Variants in TPRG1 observed in about 807,000 individuals in gnomAD.
The protein encoded by TPRG1 is tumor protein p63 regulated 1, also known as tumor protein p63-regulated gene 1 protein.
In TPRG1, 29 loss-of-function variants were observed where a neutral mutation model predicts 29.3. The observed-to-expected ratio is 0.99, with a 90% CI of 0.74 to 1.35. The LOEUF is 1.35. Ranked by LOEUF, TPRG1 falls within the 40% of genes most tolerant of loss-of-function variation. The pLI is 0.00. For missense variants in TPRG1, 327 were observed against 335.0 expected (o/e 0.98, Z 0.19); for synonymous variants, 130 against 116.8 (o/e 1.11, Z -0.73).
chr3:189,086,999 T>C (rs1481337775), intron 4 of TPRG1, among the ~76,000 whole-genome samples: 3 of 152,218 alleles, frequency 2.0e-5, no homozygotes, highest in Non-Finnish European at 4.4e-5. Flanking sequence ...CAGCATGATT[T>C]ATAATCCTTT....
intron 4 of TPRG1, among the ~76,000 whole-genome samples, chr3:189,094,338 T>C (rs1247597076): frequency 1.3e-5 from 2 of 152,166 alleles, no homozygotes; most frequent in African/African-American, 4.8e-5. Context: ...TGTTCTCCAG[T>C]ACAATTTTTC....
upstream of TPRG1, among the ~76,000 whole-genome samples, chr3:189,170,704 G>A (rs539237280): frequency 4.2e-4 from 64 of 152,228 alleles, no homozygotes; most frequent in Non-Finnish European, 7.8e-4. Flanking sequence ...TGACGTCCTC[G>A]ACACGGTGGA....
chr3:189,272,695 CTCTT>C lies in TPRG1; in HGVS notation c.479+33802_479+33805del, dbSNP rs1553935860. 4.8e-3 allele frequency among the ~76,000 whole-genome samples: 666 copies of C among 137,896 alleles called. 3 individuals carry two copies. The highest frequency in any genetic ancestry group is 7.0e-3 in the Non-Finnish European group (463 of 65,736). 90.5% of individuals were successfully genotyped at this position (137,896 alleles called of 152,430 possible). On this transcript the variant is annotated intron_variant, in intron 4 of 5. Transcript: ENST00000345063. ...CTTCCTTTCTTTCCTTTCTTTCTTT[CTCTT>C]TCTTTCTTTCTTTCTCCTTCCTTCC... is the stretch of plus-strand genomic sequence containing the variant.
chr3:189,230,302 G>A (rs1157408377), intron 3 of TPRG1, among the ~76,000 whole-genome samples: 1 of 152,134 alleles, frequency 6.6e-6, no homozygotes, highest in Non-Finnish European at 1.5e-5. Flanking sequence ...ATGCAGCCTG[G>A]GATGAGAGTC....
At chr3:189,125,814 TG>T (rs1722395480) in intron 1 of TPRG1, among the ~76,000 whole-genome samples, 154 of 5,430 alleles carry the variant, frequency 0.028, no homozygotes, top group Middle Eastern at 0.14. Context: ...CAGGGTGTTT[TG>T]TGTGTGTGTG....
rs537978800 is a variant in TPRG1, at chr3:189,268,283, A to G, written c.479+29374A>G. Among the ~76,000 whole-genome samples, 13 of 152,224 alleles carry G rather than the reference A, an allele frequency of 8.5e-5. No individual in the cohort carries two copies. The East Asian group carries it at 2.5e-3, about 29-fold the overall frequency. The stretch of plus-strand genomic sequence containing the variant: ...GTGCTGTCCACTCACTCTAATGCCC[A>G]GGGAGGCATGTTGACAAGGATGGGT... On this transcript the variant is annotated intron_variant, in intron 4 of 5. Coordinates refer to ENST00000345063, the MANE Select transcript of TPRG1 (RefSeq NM_198485.4).
intron 1 of TPRG1, among the ~76,000 whole-genome samples, chr3:189,101,671 T>C (rs1719220382): frequency 6.6e-6 from 1 of 152,168 alleles, no homozygotes; most frequent in African/African-American, 2.4e-5. Flanking sequence ...TTGATCATTG[T>C]GTATCTCACC....
In TPRG1 at chr3:189,193,564, A is replaced by G. The variant is rs191484820; in HGVS notation, c.-9-13812A>G. Among the ~76,000 whole-genome samples, 83 of 151,464 alleles carry G rather than the reference A, an allele frequency of 5.5e-4. No homozygotes were observed. In the East Asian group the frequency reaches 0.014, roughly 25 times the overall value. Reference sequence around the variant, plus strand: ...CATGATACAAATATTTGTTCACTTAATAGTGTCCATAAGTCTTGTAAGCTT... The same window carrying G: ...CATGATACAAATATTTGTTCACTTAGTAGTGTCCATAAGTCTTGTAAGCTT... On this transcript the variant is annotated intron_variant, in intron 1 of 5. Coordinates refer to ENST00000345063, the MANE Select transcript of TPRG1 (RefSeq NM_198485.4).
intron 5 of TPRG1, among the ~76,000 whole-genome samples, chr3:189,311,676 A>T (rs1722513107): frequency 6.6e-6 from 1 of 152,172 alleles, no homozygotes; most frequent in Non-Finnish European, 1.5e-5. Flanking sequence ...AGGGATTTAT[A>T]GTGTCACGGT....
chr3:189,102,713 C>T (rs1240408155), intron 1 of TPRG1, among the ~76,000 whole-genome samples: 1 of 152,136 alleles, frequency 6.6e-6, no homozygotes, highest in East Asian at 1.9e-4. Context: ...TAAATTCTTC[C>T]ATGGTTCCCC....
At chr3:189,073,320 C>G (rs1051316285) in intron 4 of TPRG1, among the ~76,000 whole-genome samples, 1 of 152,158 alleles carries the variant, frequency 6.6e-6, no homozygotes, top group African/African-American at 2.4e-5. Context: ...TGTATATTTG[C>G]TCTTTTGTTC....
At chr3:188,997,794 T>G (rs983780728) in intron 1 of TPRG1, among the ~76,000 whole-genome samples, 2 of 152,176 alleles carry the variant, frequency 1.3e-5, no homozygotes, top group African/African-American at 4.8e-5. Context: ...CTATATATCT[T>G]TATGACTATA....
intron 4 of TPRG1, among the ~76,000 whole-genome samples, chr3:189,289,549 T>C (rs1718651536): frequency 1.3e-5 from 2 of 152,208 alleles, no homozygotes; most frequent in South Asian, 2.1e-4. Flanking sequence ...GTCTTTGAAA[T>C]GTCATTTAAA....
intron 3 of TPRG1, among the ~76,000 whole-genome samples, chr3:189,230,797 C>T (rs1738521683): frequency 6.6e-6 from 1 of 152,122 alleles, no homozygotes; most frequent in Admixed American, 6.5e-5. Flanking sequence ...AGGGGGATTA[C>T]TTCTGGCCTG....
intron 4 of TPRG1, among the ~76,000 whole-genome samples, chr3:189,059,587 A>G (rs561243442): frequency 3.3e-5 from 5 of 151,818 alleles, no homozygotes; most frequent in Non-Finnish European, 7.4e-5. Flanking sequence ...GCAAGACTCC[A>G]TCTTAAAAAA....
At chr3:189,038,838 C>T (rs988193966) in intron 4 of TPRG1, among the ~76,000 whole-genome samples, 1 of 149,170 alleles carries the variant, frequency 6.7e-6, no homozygotes, top group East Asian at 1.9e-4. Flanking sequence ...GAAGGGCAAA[C>T]CCAAATTACT....
chr3:189,153,201 G>A (rs530701439), intron 5 of TPRG1, among the ~76,000 whole-genome samples: 3 of 152,214 alleles, frequency 2.0e-5, no homozygotes, highest in Admixed American at 6.5e-5. Flanking sequence ...CTGTTTCAGT[G>A]TGCAGATACT....
intron 4 of TPRG1, among the ~76,000 whole-genome samples, chr3:189,249,124 T>TTA (rs142747127): frequency 0.035 from 5,312 of 150,560 alleles, 301 homozygotes; most frequent in African/African-American, 0.12. Flanking sequence ...AATAAATGTT[T>TTA]TATATATATA....
At chr3:189,311,073 G>A (rs561351972) in intron 5 of TPRG1, among the ~76,000 whole-genome samples, 1 of 152,202 alleles carries the variant, frequency 6.6e-6, no homozygotes, top group East Asian at 1.9e-4. Context: ...CAATTTCTTT[G>A]TCTTTAAATT....
Sources: allele counts gnomAD v4.1 joint callset (sites outside exome capture counted in the v4.1 genomes callset), GRCh38; gene constraint gnomAD v4.1.1; transcripts MANE v1.5; gene names NCBI Gene and HGNC (gene_info 2026-07-23, HGNC 2026-07-21).